AKAP6: variants seen among roughly 807,000 people sequenced by gnomAD.
AKAP6 encodes the protein A-kinase anchor protein 6.
In AKAP6, 58 loss-of-function variants were observed where a neutral mutation model predicts 188.5. The ratio of observed to expected loss-of-function variants is 0.31; its 90% CI spans 0.25 to 0.38. AKAP6 has a LOEUF of 0.38. Ranked by LOEUF, AKAP6 falls within the 10% of genes least tolerant of loss-of-function variation. AKAP6 has a pLI of 1.00. For synonymous variants in AKAP6, 989 were observed against 998.6 expected (o/e 0.99, Z 0.18); for missense variants, 2,710 against 2,740.0 (o/e 0.99, Z 0.24).
intron 11 of AKAP6, among the ~76,000 whole-genome samples, chr14:32,745,949 C>G (rs1396497076): frequency 6.6e-6 from 1 of 152,180 alleles, no homozygotes; most frequent in African/African-American, 2.4e-5. Context: ...CTATGGCCAC[C>G]AGCACAGACC....
chr14:32,663,524 T>C (rs1021358354), intron 7 of AKAP6, among the ~76,000 whole-genome samples: 1 of 151,414 alleles, frequency 6.6e-6, no homozygotes. Flanking sequence ...GAGGGACAGA[T>C]CACCATGGGA....
Position 32,546,722 on chromosome 14 carries a change from A to G in AKAP6, c.2069A>G (p.His690Arg). The change falls in exon 4 of 14, where the codon CAT becomes CGT. Residue 690 changes from histidine to arginine, a missense_variant. Physicochemically the swap from His to Arg is conservative, Grantham distance 29 (BLOSUM62 0). Coordinates refer to ENST00000280979, the MANE Select transcript of AKAP6 (RefSeq NM_004274.5). Reference protein sequence around the residue: ...IYPTYHVKKKHTRLGRVSPSS... With the variant: ...IYPTYHVKKKRTRLGRVSPSS... ...CCAACCTATCATGTCAAAAAGAAGC[A>G]TACAAGGCTAGGCAGGGTGTCTCCA... The G allele has an allele frequency of 1.2e-6, 2 of 1,614,158 alleles. No homozygotes were observed. The highest frequency in any genetic ancestry group is 8.5e-7 in the Non-Finnish European group (1 of 1,180,010).
chr14:32,757,389 G>A (rs1380054300), intron 11 of AKAP6, among the ~76,000 whole-genome samples: 2 of 152,124 alleles, frequency 1.3e-5, no homozygotes, highest in African/African-American at 4.8e-5. Flanking sequence ...GTAGGGGTGG[G>A]GAAGAGGGAG....
chr14:32,556,703 T>A (rs1317098128), intron 4 of AKAP6, among the ~76,000 whole-genome samples: 1 of 152,222 alleles, frequency 6.6e-6, no homozygotes, highest in East Asian at 1.9e-4. Context: ...TCCCATTCTG[T>A]AGCCTATTTA....
intron 7 of AKAP6, among the ~76,000 whole-genome samples, chr14:32,630,781 G>T (rs956000084): frequency 1.3e-5 from 2 of 151,996 alleles, no homozygotes; most frequent in Non-Finnish European, 2.9e-5. Context: ...TTTTCTTTAT[G>T]ATATTAATAG....
chr14:32,823,890 G>A lies in AKAP6; in HGVS notation c.6077G>A (p.Gly2026Glu), dbSNP rs1264810849. Residue 2026 changes from glycine (G) to glutamate (E), a missense_variant, in exon 13 of 14, where the codon GGA (glycine) becomes GAA (glutamate). Physicochemically the swap from Gly to Glu is moderately conservative, Grantham distance 98 (BLOSUM62 -2). Transcript: ENST00000280979. Reference sequence around the variant, plus strand: ...TGTTGCCTAGCACTTGAACAAAACGGAACAGAGGAAAATGCTTCTATCAGC... The same window carrying A: ...TGTTGCCTAGCACTTGAACAAAACGAAACAGAGGAAAATGCTTCTATCAGC... ...AGCCLALEQN[G>E]TEENASISNI... 6.2e-7 allele frequency: 1 copy of A among 1,613,828 alleles called. No homozygotes were observed. The highest frequency in any genetic ancestry group is 8.5e-7 in the Non-Finnish European group (1 of 1,179,928).
At chr14:32,810,140 C>G (rs2034187780) in intron 12 of AKAP6, among the ~76,000 whole-genome samples, 1 of 152,066 alleles carries the variant, frequency 6.6e-6, no homozygotes, top group Non-Finnish European at 1.5e-5. Flanking sequence ...CAGTCATAGT[C>G]TCTTAGTTGC....
intron 7 of AKAP6, among the ~76,000 whole-genome samples, chr14:32,622,127 A>G (rs1162814799): frequency 6.6e-6 from 1 of 152,136 alleles, no homozygotes; most frequent in Non-Finnish European, 1.5e-5. Context: ...GAAGGAATGT[A>G]CCACTGTACT....
intron 2 of AKAP6, among the ~76,000 whole-genome samples, chr14:32,488,894 A>T (rs1879847333): frequency 6.6e-6 from 1 of 152,188 alleles, no homozygotes; most frequent in African/African-American, 2.4e-5. Context: ...TTGGAAATGC[A>T]GAAATCACCC....
At chr14:32,362,887 G>A (rs1887709777) in intron 1 of AKAP6, among the ~76,000 whole-genome samples, 1 of 152,188 alleles carries the variant, frequency 6.6e-6, no homozygotes, top group Non-Finnish European at 1.5e-5. Context: ...GACAAGACAA[G>A]GGCTGGCATG....
chr14:32,720,137 A>G (rs557651587), intron 9 of AKAP6, among the ~76,000 whole-genome samples: 1 of 152,316 alleles, frequency 6.6e-6, no homozygotes, highest in South Asian at 2.1e-4. Flanking sequence ...ACAAACAGCA[A>G]TTCATACATC....
intron 9 of AKAP6, among the ~76,000 whole-genome samples, chr14:32,714,495 A>G (rs986238957): frequency 9.2e-5 from 14 of 152,010 alleles, no homozygotes; most frequent in Non-Finnish European, 8.8e-5. Flanking sequence ...CTTTTGGTTC[A>G]TTTCAGACCA....
At chr14:32,353,988 G>A (rs1433842391) in intron 1 of AKAP6, among the ~76,000 whole-genome samples, 7 of 152,174 alleles carry the variant, frequency 4.6e-5, no homozygotes, top group Non-Finnish European at 8.8e-5. Context: ...AACATTCCAT[G>A]CTCATGGATA....
intron 9 of AKAP6, among the ~76,000 whole-genome samples, chr14:32,705,687 G>A (rs1249787352): frequency 2.0e-5 from 3 of 152,112 alleles, no homozygotes; most frequent in Non-Finnish European, 2.9e-5. Flanking sequence ...CCTTAGTCAG[G>A]CTAGGCTAGG....
At chr14:32,676,832 T>C (rs981041924) in intron 7 of AKAP6, among the ~76,000 whole-genome samples, 54 of 152,162 alleles carry the variant, frequency 3.5e-4, no homozygotes, top group African/African-American at 1.2e-3. Flanking sequence ...TTTTCTTTTT[T>C]TCTTTTCTTT....
chr14:32,610,194 G>C (rs541732914), intron 7 of AKAP6, among the ~76,000 whole-genome samples: 2 of 152,030 alleles, frequency 1.3e-5, no homozygotes, highest in Admixed American at 1.3e-4. Context: ...GGTTCCAAAC[G>C]GAGTAGATAA....
chr14:32,576,400 T>G (rs527640917), intron 4 of AKAP6, among the ~76,000 whole-genome samples: 1 of 152,300 alleles, frequency 6.6e-6, no homozygotes, highest in African/African-American at 2.4e-5. Flanking sequence ...TGTATACTTC[T>G]AAATGGCCAA....
intron 2 of AKAP6, among the ~76,000 whole-genome samples, chr14:32,445,080 C>T (rs1890714426): frequency 6.6e-6 from 1 of 152,230 alleles, no homozygotes; most frequent in African/African-American, 2.4e-5. Context: ...TCTGTCCTCC[C>T]ACAGTCCAAA....
At chr14:32,769,173 G>A (rs1013101835) in intron 11 of AKAP6, among the ~76,000 whole-genome samples, 3 of 146,598 alleles carry the variant, frequency 2.0e-5, no homozygotes, top group African/African-American at 7.6e-5. Flanking sequence ...TCAGCCTCCC[G>A]AGTAGCTGGG....
Sources: gnomAD v4.1 joint callset for allele counts (sites outside exome capture counted in the v4.1 genomes callset) on GRCh38, gnomAD v4.1.1 for gene constraint, MANE v1.5 for transcripts, NCBI Gene and HGNC (gene_info 2026-07-23, HGNC 2026-07-21) for gene names.